The following RCC1 variants were observed in gnomAD, a reference collection of about 807,000 sequenced individuals.
RCC1 encodes regulator of chromosome condensation 1, also known as regulator of chromosome condensation.
A neutral mutation model predicts 44.4 loss-of-function variants in RCC1; 11 were observed. The ratio of observed to expected loss-of-function variants is 0.25; its 90% confidence interval spans 0.16 to 0.41. The LOEUF (loss-of-function observed/expected upper bound fraction) is 0.41, where lower values mean the gene tolerates loss of function less well. Among genes scored for constraint, RCC1 ranks in the 10% least tolerant of loss-of-function variants. The pLI is 1.00. For synonymous variants in RCC1, 213 were observed against 216.5 expected, an observed-to-expected ratio of 0.98 and a Z score of 0.14; for missense variants, 386 against 547.1, an observed-to-expected ratio of 0.71 and a Z score of 2.94.
intron 4 of RCC1, among the ~76,000 whole-genome samples, chr1:28,527,784 T>C (rs1167854514): frequency 7.0e-6 from 1 of 143,776 alleles, no homozygotes; most frequent in Non-Finnish European, 1.5e-5. Flanking sequence ...CCAAGGTGGG[T>C]GGATCATCTG....
intron 7 of RCC1, among the ~76,000 whole-genome samples, chr1:28,534,305 C>T (rs963810837): frequency 1.3e-5 from 2 of 152,124 alleles, no homozygotes; most frequent in African/African-American, 2.4e-5. Flanking sequence ...CTCTGTCTCC[C>T]GAGTAGCTGG....
chr1:28,507,646 A>G lies in RCC1; in HGVS notation c.-261-482A>G, dbSNP rs547966717. 4.4e-5 allele frequency: 18 copies of G among 413,202 alleles called. No individual in the cohort carries two copies. The African/African-American group carries it at 4.5e-4, about 10-fold the overall frequency. The allele number at this position is 413,202 out of a possible 1,614,324, so 25.6% of individuals were successfully genotyped here. On this transcript the variant is annotated intron_variant, in intron 1 of 12. Coordinates refer to ENST00000683442, the MANE Select transcript of RCC1 (RefSeq NM_001381865.2). ...TGGAGATGGAGTCGCTCTGTTGCCCAGGCTGGAGTGCAGTGGCGCACTCCA... is the reference window on the plus strand; with the variant it reads ...TGGAGATGGAGTCGCTCTGTTGCCCGGGCTGGAGTGCAGTGGCGCACTCCA...
intron 4 of RCC1, among the ~76,000 whole-genome samples, chr1:28,520,825 C>A (rs964116817): frequency 6.6e-6 from 1 of 152,136 alleles, no homozygotes; most frequent in Non-Finnish European, 1.5e-5. Context: ...CGACTGTAAC[C>A]CCAGCAATTT....
chr1:28,536,615 C>A lies in RCC1; in HGVS notation c.938-132C>A. On this transcript the variant is annotated intron_variant, in intron 11 of 12. Transcript: ENST00000683442. The surrounding 1 kb of genome is among the most constrained non-coding windows in gnomAD (Gnocchi z 4.9). Reference sequence around the variant, plus strand: ...CCTCCTCCAAAACTGGGAAGAGACACTGCAGATCTCCTTCTGATCGCTCTG... The same window carrying A: ...CCTCCTCCAAAACTGGGAAGAGACAATGCAGATCTCCTTCTGATCGCTCTG... 2 of 1,210,886 alleles carry A rather than the reference C, an allele frequency of 1.7e-6. No homozygotes were observed. Among genetic ancestry groups the A allele is most frequent in the Non-Finnish European group, 2.3e-6 (2 of 855,754 alleles). 75.0% of individuals were successfully genotyped at this position (1,210,886 alleles called of 1,614,324 possible).
At chr1:28,510,499 T>TG (rs1662450408) in intron 3 of RCC1, 1 of 152,120 alleles carries the variant, frequency 6.6e-6, no homozygotes, top group African/African-American at 2.4e-5. Flanking sequence ...TGTGCACCTG[T>TG]GGGAGGCTGA....
chr1:28,536,908 G>A lies in RCC1; in HGVS notation c.1090+9G>A. On this transcript the variant is annotated intron_variant, in intron 12 of 12. Transcript: ENST00000683442. The surrounding 1 kb of genome is among the most constrained non-coding windows in gnomAD (Gnocchi z 4.9). ...TGCTGTGACCAAGGATGGTGAGTGG[G>A]GCTGCCTACACTCTGTCTAGTTGGG... 6.2e-7 allele frequency: 1 copy of A among 1,613,752 alleles called. No homozygotes were observed. The highest frequency in any genetic ancestry group is 8.5e-7 in the Non-Finnish European group (1 of 1,179,902).
chr1:28,536,921 C>G lies in RCC1; in HGVS notation c.1090+22C>G. The G allele has an allele frequency of 6.2e-7, 1 of 1,613,498 alleles. No homozygotes were observed. Among genetic ancestry groups the G allele is most frequent in the Non-Finnish European group, 8.5e-7 (1 of 1,179,734 alleles). ...GATGGTGAGTGGGGCTGCCTACACTCTGTCTAGTTGGGACCTGGGGGTCAT... is the reference window on the plus strand; with the variant it reads ...GATGGTGAGTGGGGCTGCCTACACTGTGTCTAGTTGGGACCTGGGGGTCAT... On this transcript the variant is annotated intron_variant, in intron 12 of 12. Coordinates refer to ENST00000683442, the MANE Select transcript of RCC1 (RefSeq NM_001381865.2). This position sits in a 1 kb window ranked among gnomAD's most constrained non-coding sequence, Gnocchi z 4.9.
chr1:28,533,568 C>A (rs377073214), intron 7 of RCC1, among the ~76,000 whole-genome samples: 1 of 150,192 alleles, frequency 6.7e-6, no homozygotes, highest in Admixed American at 6.7e-5. Flanking sequence ...GTCGGGAGTT[C>A]GAGACCGGCC....
At chr1:28,523,513 G>A (rs1304018319) in intron 4 of RCC1, among the ~76,000 whole-genome samples, 1 of 152,100 alleles carries the variant, frequency 6.6e-6, no homozygotes, top group Non-Finnish European at 1.5e-5. Flanking sequence ...CACAACTAAG[G>A]AGATGTTGAC....
intron 4 of RCC1, among the ~76,000 whole-genome samples, chr1:28,523,070 C>A (rs1164211609): frequency 8.0e-6 from 1 of 125,212 alleles, no homozygotes; most frequent in Admixed American, 1.0e-4. Context: ...CTTGCTCTGT[C>A]ACCCAGGCTG....
chr1:28,508,633 C>T, intron 2 of RCC1, 197 bp from the exon 3 acceptor site: 2 of 518,882 alleles, frequency 3.9e-6, no homozygotes. Context: ...GGGCTCTGCC[C>T]CATGATGTAC....
At chr1:28,533,531 G>A (rs1347762829) in intron 7 of RCC1, among the ~76,000 whole-genome samples, 1 of 151,020 alleles carries the variant, frequency 6.6e-6, no homozygotes, top group Non-Finnish European at 1.5e-5. Context: ...CACTTTGGGA[G>A]GCCGAAGCAG....
intron 3 of RCC1, among the ~76,000 whole-genome samples, chr1:28,511,439 C>T (rs61785980): frequency 0.14 from 20,747 of 148,286 alleles, 1,638 homozygotes; most frequent in Non-Finnish European, 0.16. Context: ...CTCGCTCTGT[C>T]GCCCAGGCTG....
intron 3 of RCC1, among the ~76,000 whole-genome samples, chr1:28,513,383 TG>T (rs1662680260): frequency 6.6e-6 from 1 of 151,938 alleles, no homozygotes; most frequent in Admixed American, 6.6e-5. Context: ...TTAGTAGAGA[TG>T]GGGTTTCACC....
chr1:28,524,551 C>T lies in RCC1; in HGVS notation c.-9-5307C>T, dbSNP rs116017556. ...CAGCCTAGGTGACAGAGTGAGACCC[C>T]CTCTCTTAAAAAAATAAAATAAAAG... On this transcript the variant is annotated intron_variant, in intron 4 of 12. Transcript: ENST00000683442. Among the ~76,000 whole-genome samples the T allele has an allele frequency of 8.6e-3, 1,306 of 151,926 alleles. 18 individuals carry two copies. The highest frequency in any genetic ancestry group is 0.03 in the African/African-American group (1,247 of 41,456).
At chr1:28,523,017 G>A (rs1430246157) in intron 4 of RCC1, among the ~76,000 whole-genome samples, 1 of 140,780 alleles carries the variant, frequency 7.1e-6, no homozygotes, top group East Asian at 2.1e-4. Flanking sequence ...GAAGGAGGCA[G>A]AAGAAATTTC....
In RCC1 at chr1:28,535,922, G is replaced by A. The variant is rs753314253; in HGVS notation, c.713G>A (p.Gly238Asp). ...CVMLKSRGSR[G>D]HVRFQDAFCG... ...ATGCTGAAATCCAGGGGAAGCCGGG[G>A]CCACGTGAGATTCCAGGATGCCTTT... The change falls in exon 10 of 13, where the codon GGC becomes GAC. Residue 238 changes from glycine (G) to aspartate (D), a missense_variant. Transcript: ENST00000683442. The A allele has an allele frequency of 1.4e-5, 22 of 1,614,008 alleles. No homozygotes were observed. The highest frequency in any genetic ancestry group is 3.3e-5 in the Admixed American group (2 of 59,980).
chr1:28,528,009 CAAAAAAA>C (rs56261878), intron 4 of RCC1, among the ~76,000 whole-genome samples: 2 of 97,618 alleles, frequency 2.0e-5, no homozygotes, highest in African/African-American at 6.9e-5. Context: ...AACTCTGCTT[CAAAAAAA>C]AAAAAAAAAA....
chr1:28,517,471 T>G (rs1399338495), intron 4 of RCC1, among the ~76,000 whole-genome samples: 2 of 152,194 alleles, frequency 1.3e-5, no homozygotes, highest in African/African-American at 2.4e-5. Context: ...TCTGATCATA[T>G]TAGGATGCTC....
Sources: gnomAD v4.1 joint callset for allele counts (sites outside exome capture counted in the v4.1 genomes callset) on GRCh38, gnomAD v4.1.1 for gene constraint, Gnocchi (gnomAD v3.1) non-coding constraint, MANE v1.5 for transcripts, NCBI Gene and HGNC (gene_info 2026-07-23, HGNC 2026-07-21) for gene names.